ZBBX: variants seen among roughly 807,000 people sequenced by gnomAD.
ZBBX encodes zinc finger B-box domain-containing protein 1.
A neutral mutation model predicts 108.5 loss-of-function variants in ZBBX; 101 were observed. That is an observed-to-expected ratio of 0.93 (90% confidence interval 0.79 to 1.10). The LOEUF (loss-of-function observed/expected upper bound fraction) is 1.10, where lower values mean the gene tolerates loss of function less well. ZBBX is among the 50% of genes least tolerant of loss of function. ZBBX has a pLI of 0.00. For synonymous variants in ZBBX, 356 were observed against 323.4 expected, an observed-to-expected ratio of 1.10 and a Z score of -1.08; for missense variants, 1,009 against 941.4, an observed-to-expected ratio of 1.07 and a Z score of -0.94.
At chr3:167,341,935 A>G (rs1411738560) in intron 9 of ZBBX, among the ~76,000 whole-genome samples, 1 of 151,902 alleles carries the variant, frequency 6.6e-6, no homozygotes, top group Non-Finnish European at 1.5e-5. Flanking sequence ...GTATCCCATA[A>G]AGACCAATGA....
chr3:167,178,938 T>C, the ZBBX span, among the ~76,000 whole-genome samples: 2 of 152,198 alleles, frequency 1.3e-5, no homozygotes, highest in African/African-American at 2.4e-5. Context: ...CTTTCCACTA[T>C]GGCTTGTCCT....
At chr3:167,317,690 T>A in intron 12 of ZBBX, 93 bp from the exon 13 acceptor site, 1 of 719,246 alleles carries the variant, frequency 1.4e-6, no homozygotes, top group Non-Finnish European at 2.3e-6. Context: ...AATGAATGAG[T>A]ATACAAAATT....
chr3:167,387,516 T>C (rs1363376251), intron 1 of ZBBX, among the ~76,000 whole-genome samples: 1 of 152,016 alleles, frequency 6.6e-6, no homozygotes, highest in Non-Finnish European at 1.5e-5. Context: ...TGGGTGAAAT[T>C]ACTGTTCTGG....
intron 12 of ZBBX, among the ~76,000 whole-genome samples, chr3:167,319,065 A>G (rs1365908181): frequency 2.6e-5 from 4 of 152,016 alleles, no homozygotes; most frequent in Non-Finnish European, 4.4e-5. Context: ...AAAAATAAAC[A>G]TGCACTTACC....
In ZBBX at chr3:167,379,735, TGAGGAGTAGA is replaced by T. The variant is rs1747519972; in HGVS notation, c.-239_-230del. On this transcript the variant is annotated 5_prime_UTR_variant, in exon 2 of 22. Transcript: ENST00000675490. ...CACCCCGCACCATAGCCCTTACTTG[TGAGGAGTAGA>T]CTTCAAGAAGTAAGTGGGTGCATGT... 1 of 152,050 alleles carries T rather than the reference TGAGGAGTAGA, an allele frequency of 6.6e-6. No homozygotes were observed. Among genetic ancestry groups the T allele is most frequent in the South Asian group, 2.1e-4 (1 of 4,818 alleles). 9.4% of individuals were successfully genotyped at this position (152,050 alleles called of 1,614,324 possible). A position where few individuals can be genotyped will look rare whatever the true frequency, so the allele number is the denominator to read the frequency against.
upstream of ZBBX, among the ~76,000 whole-genome samples, chr3:167,382,401 A>C (rs1483593752): frequency 6.6e-6 from 1 of 152,208 alleles, no homozygotes; most frequent in Non-Finnish European, 1.5e-5. Context: ...GCACACCAGC[A>C]ATGCCGCACA....
At chr3:167,354,912 T>C (rs1743275310) in intron 8 of ZBBX, among the ~76,000 whole-genome samples, 2 of 151,974 alleles carry the variant, frequency 1.3e-5, no homozygotes, top group East Asian at 3.9e-4. Flanking sequence ...ATATATTTTG[T>C]TATACAAGGA....
chr3:167,262,619 C>T (rs1724748614), intron 20 of ZBBX, among the ~76,000 whole-genome samples: 1 of 151,946 alleles, frequency 6.6e-6, no homozygotes, highest in African/African-American at 2.4e-5. Context: ...CCCTAGGAGA[C>T]ATTTTTATTA....
At chr3:167,258,038 C>T (rs1723832300) in intron 20 of ZBBX, among the ~76,000 whole-genome samples, 1 of 152,082 alleles carries the variant, frequency 6.6e-6, no homozygotes, top group East Asian at 1.9e-4. Flanking sequence ...GTTTTTATTG[C>T]ATTTGCTTTT....
the ZBBX span, among the ~76,000 whole-genome samples, chr3:167,231,935 A>C: frequency 6.6e-6 from 1 of 151,826 alleles, no homozygotes; most frequent in South Asian, 2.1e-4. Context: ...ATTTTTCTAA[A>C]TCTAATCAGA....
chr3:167,387,110 T>C (rs1747944548), intron 1 of ZBBX, among the ~76,000 whole-genome samples: 4 of 152,046 alleles, frequency 2.6e-5, no homozygotes. Flanking sequence ...CATGTACCCA[T>C]TTTCACATTA....
In ZBBX at chr3:167,317,586, T is replaced by C. The variant is rs1280894143; in HGVS notation, c.995A>G (p.Glu332Gly). The C allele has an allele frequency of 6.2e-7, 1 of 1,607,320 alleles. No individual in the cohort carries two copies. The highest frequency in any genetic ancestry group is 8.5e-7 in the Non-Finnish European group (1 of 1,176,768). Residue 332 changes from glutamate (E) to glycine (G), a missense_variant, in exon 13 of 22, where the codon GAG becomes GGG. Transcript: ENST00000675490. ...WLKKHRRTPQ[E>G]QLFKMLPDTF... ...ATCTGGTAGCATTTTAAAAAGTTGC[T>C]CTTGTGGAGTTCTACAAAATAAGAA...
At chr3:167,281,046 C>G (rs926603399) in intron 20 of ZBBX, among the ~76,000 whole-genome samples, 1 of 152,050 alleles carries the variant, frequency 6.6e-6, no homozygotes, top group Admixed American at 6.6e-5. Flanking sequence ...TAGGTGGGAA[C>G]TGAACAATGA....
chr3:167,348,402 G>A (rs1742061607), intron 9 of ZBBX, among the ~76,000 whole-genome samples: 1 of 130,034 alleles, frequency 7.7e-6, no homozygotes, highest in African/African-American at 2.9e-5. Flanking sequence ...AGGAGGGAGG[G>A]AGAGGAGAGA....
intron 20 of ZBBX, among the ~76,000 whole-genome samples, chr3:167,267,455 T>A (rs2108452763): frequency 6.6e-6 from 1 of 152,174 alleles, no homozygotes; most frequent in Admixed American, 6.5e-5. Context: ...TTATGAGAAG[T>A]GAAAAGGATA....
rs553431076 is a variant in ZBBX, at chr3:167,283,555, G to A, written c.1997-1060C>T. On this transcript the variant is annotated intron_variant, in intron 19 of 21. Coordinates refer to ENST00000675490, the MANE Select transcript of ZBBX (RefSeq NM_001199201.2). ...GCCATATAACATTGTTCTCACTCTA[G>A]TGACTCAACAAAAAATATAAAATTC... Among the ~76,000 whole-genome samples, 337 of 152,248 alleles carry A rather than the reference G, an allele frequency of 2.2e-3. 2 individuals carry two copies. The highest frequency in any genetic ancestry group is 4.1e-3 in the Non-Finnish European group (276 of 68,030).
In ZBBX at chr3:167,282,310, A is replaced by C. The variant is rs777600338; in HGVS notation, c.2182T>G (p.Leu728Val). The change falls in exon 20 of 22, where the codon TTA becomes GTA. Residue 728 changes from leucine to valine, a missense_variant. Physicochemically the swap from Leu to Val is conservative, Grantham distance 32. Transcript: ENST00000675490. ...GTATGTTGATCAGTAGTGTCATCTA[A>C]GGAAAGCTCATTCTGGTCAGTAATA... ...IDITDQNELS[L>V]DDTTDQHTLD... is the part of the protein sequence containing the mutation. The C allele has an allele frequency of 1.9e-6, 3 of 1,614,068 alleles. No homozygotes were observed. Among genetic ancestry groups the C allele is most frequent in the Non-Finnish European group, 2.5e-6 (3 of 1,179,952 alleles).
At chr3:167,381,913 G>C (rs1350522224), upstream of ZBBX, among the ~76,000 whole-genome samples, 1 of 152,200 alleles carries the variant, frequency 6.6e-6, no homozygotes, top group East Asian at 1.9e-4. Context: ...TTTTAGGGTA[G>C]ATGGCCAGGG....
In ZBBX at chr3:167,288,939, C is replaced by A; in HGVS notation, c.1924G>T (p.Asp642Tyr). Residue 642 changes from aspartate (D) to tyrosine (Y), a missense_variant, in exon 19 of 22, where the codon GAT becomes TAT. Transcript: ENST00000675490. ...IPDHSLSEYA[D>Y]NAIVLGVLQG... ...AGAACACCCAAGACAATTGCATTATCAGCATATTCACTTAAGCTATGGTCT... is the reference window on the plus strand; with the variant it reads ...AGAACACCCAAGACAATTGCATTATAAGCATATTCACTTAAGCTATGGTCT... 6.5e-7 allele frequency: 1 copy of A among 1,544,452 alleles called. No individual in the cohort carries two copies. Among genetic ancestry groups the A allele is most frequent in the Non-Finnish European group, 8.7e-7 (1 of 1,142,878 alleles).
Sources: allele counts gnomAD v4.1 joint callset (sites outside exome capture counted in the v4.1 genomes callset), GRCh38; gene constraint gnomAD v4.1.1; transcripts MANE v1.5; gene names NCBI Gene and HGNC (gene_info 2026-07-23, HGNC 2026-07-21).